GALNT16: variants seen among roughly 807,000 people sequenced by gnomAD.
The protein encoded by GALNT16 is UDP-GalNAc:polypeptide N-acetylgalactosaminyltransferase-like protein 1.
In GALNT16, 40 loss-of-function variants were observed where a neutral mutation model predicts 76.1. The ratio of observed to expected loss-of-function variants is 0.53; its 90% CI spans 0.41 to 0.68. GALNT16 has a LOEUF of 0.68. Among genes scored for constraint, GALNT16 ranks in the 30% least tolerant of loss-of-function variants. GALNT16 has a pLI of 0.00. For synonymous variants in GALNT16, 276 were observed against 285.2 expected (o/e 0.97, Z 0.32); for missense variants, 621 against 731.9 (o/e 0.85, Z 1.75).
rs1594804165 is a variant in GALNT16, at chr14:69,261,777, C to T, written c.177+1310C>T. ...GTCCCCTGCAAAGGAAACATTATTT[C>T]AGGGCTTTGCCTGAGGAGACCTGGG... On this transcript the variant is annotated intron_variant, in intron 1 of 14. Coordinates refer to ENST00000448469, the MANE Select transcript of GALNT16 (RefSeq NM_001168368.2). This position sits in a 1 kb window ranked among gnomAD's most constrained non-coding sequence, Gnocchi z 6.4. 6.6e-6 allele frequency among the ~76,000 whole-genome samples: 1 copy of T among 152,040 alleles called. No homozygotes were observed. Among genetic ancestry groups the T allele is most frequent in the Non-Finnish European group, 1.5e-5 (1 of 67,920 alleles).
intron 2 of GALNT16, among the ~76,000 whole-genome samples, chr14:69,321,935 A>C (rs2045193688): frequency 6.6e-6 from 1 of 152,228 alleles, no homozygotes; most frequent in South Asian, 2.1e-4. Context: ...AATGACTTGG[A>C]TCAAGGTTGC....
chr14:69,333,738 C>A lies in GALNT16; in HGVS notation c.967+138C>A. 1.7e-6 allele frequency: 1 copy of A among 590,562 alleles called. No homozygotes were observed. The highest frequency in any genetic ancestry group is 2.1e-5 in the South Asian group (1 of 48,236). 36.6% of individuals were successfully genotyped at this position (590,562 alleles called of 1,614,324 possible). A position where few individuals can be genotyped will look rare whatever the true frequency, so the allele number is the denominator to read the frequency against. Reference sequence around the variant, plus strand: ...AGGTCATTTAATTCTCTCAAGGACCCTCTGAGGTAAGTACCATGATCTCCA... The same window carrying A: ...AGGTCATTTAATTCTCTCAAGGACCATCTGAGGTAAGTACCATGATCTCCA... On this transcript the variant is annotated intron_variant, in intron 9 of 14. Coordinates refer to ENST00000448469, the MANE Select transcript of GALNT16 (RefSeq NM_001168368.2). This position sits in a 1 kb window ranked among gnomAD's most constrained non-coding sequence, Gnocchi z 4.2.
At chr14:69,324,146 G>C (rs1003669384) in intron 2 of GALNT16, among the ~76,000 whole-genome samples, 1 of 152,016 alleles carries the variant, frequency 6.6e-6, no homozygotes, top group African/African-American at 2.4e-5. Context: ...GGAGGAGTGA[G>C]ACTGCTCCCC....
intron 1 of GALNT16, among the ~76,000 whole-genome samples, chr14:69,262,956 T>G (rs1475596553): frequency 1.3e-5 from 2 of 151,790 alleles, no homozygotes; most frequent in Non-Finnish European, 2.9e-5. Context: ...CTCGGCTCAC[T>G]GTAACCTCCA....
At chr14:69,296,783 A>G (rs1594830168) in intron 1 of GALNT16, among the ~76,000 whole-genome samples, 2 of 128,146 alleles carry the variant, frequency 1.6e-5, no homozygotes, top group South Asian at 5.1e-4. Context: ...GATAGATGAT[A>G]GAGATAGACA....
At chr14:69,296,728 TGATAGATA>T (rs141440096) in intron 1 of GALNT16, among the ~76,000 whole-genome samples, 23,937 of 141,798 alleles carry the variant, frequency 0.17, 2,246 homozygotes, top group African/African-American at 0.27. Context: ...GACAGATAGA[TGATAGATA>T]GATAGATAGA....
chr14:69,273,840 G>C (rs1335906937), intron 1 of GALNT16, among the ~76,000 whole-genome samples: 1 of 152,226 alleles, frequency 6.6e-6, no homozygotes, highest in African/African-American at 2.4e-5. Flanking sequence ...AACCCAAGAA[G>C]AGTAGGAATC....
rs183020636 is a variant in GALNT16 at position 69,353,087 on chromosome 14, G to T, written c.*919G>T. Among the ~76,000 whole-genome samples the T allele has an allele frequency of 1.3e-5, 2 of 152,296 alleles. No homozygotes were observed. Among genetic ancestry groups the T allele is most frequent in the African/African-American group, 4.8e-5 (2 of 41,558 alleles). ...TGCCGCCAGGACCCACTGAAAGGAC[G>T]GGTAGCCACACACATCCCTGAGTAG... On this transcript the variant is annotated 3_prime_UTR_variant, in exon 15 of 15. Transcript: ENST00000448469.
intron 12 of GALNT16, among the ~76,000 whole-genome samples, chr14:69,344,921 A>T (rs1032455387): frequency 2.0e-5 from 3 of 152,328 alleles, no homozygotes; most frequent in Admixed American, 1.3e-4. Context: ...ATGCTTGCAC[A>T]TGGCAGGGGT....
chr14:69,333,034 C>A lies in GALNT16; in HGVS notation c.779-51C>A. ...GGGGTGGTGGAGTGAAGGGTCTCAGCAGCCCGCAGCTCTGCCCTGAGCTCT... is the reference window on the plus strand; with the variant it reads ...GGGGTGGTGGAGTGAAGGGTCTCAGAAGCCCGCAGCTCTGCCCTGAGCTCT... On this transcript the variant is annotated intron_variant, in intron 7 of 14. Coordinates refer to ENST00000448469, the MANE Select transcript of GALNT16 (RefSeq NM_001168368.2). The surrounding 1 kb of genome is among the most constrained non-coding windows in gnomAD (Gnocchi z 4.2). 7.6e-7 allele frequency: 1 copy of A among 1,316,344 alleles called. No individual in the cohort carries two copies. Among genetic ancestry groups the A allele is most frequent in the Non-Finnish European group, 1.1e-6 (1 of 908,142 alleles). The allele number at this position is 1,316,344 out of a possible 1,614,324, so 81.5% of individuals were successfully genotyped here.
chr14:69,344,097 G>T (rs577431345), intron 12 of GALNT16, among the ~76,000 whole-genome samples: 1 of 152,144 alleles, frequency 6.6e-6, no homozygotes, highest in Admixed American at 6.5e-5. Flanking sequence ...CCAAACAGGG[G>T]GTCCCTAAAT....
chr14:69,364,452 C>T, the GALNT16 span, among the ~76,000 whole-genome samples: 1 of 152,128 alleles, frequency 6.6e-6, no homozygotes, highest in Admixed American at 6.5e-5. The surrounding 1 kb of genome is among the most constrained non-coding windows in gnomAD (Gnocchi z 4.2). Flanking sequence ...AAACTGCCTT[C>T]CATACTAATG....
At position 69,291,514 on chromosome 14, in the gene GALNT16, C is replaced by G. The variant is rs553779475; in HGVS notation, c.178-29197C>G. Among the ~76,000 whole-genome samples, 2 of 152,302 alleles carry G rather than the reference C, an allele frequency of 1.3e-5. 1 individual carries two copies. Among genetic ancestry groups the G allele is most frequent in the South Asian group, 4.1e-4 (2 of 4,824 alleles). ...GGTCAGGGTCCCCACCCACCCTGCTCTTGGTCAGAACAATGGGAAAGGCAC... is the reference window on the plus strand; with the variant it reads ...GGTCAGGGTCCCCACCCACCCTGCTGTTGGTCAGAACAATGGGAAAGGCAC... On this transcript the variant is annotated intron_variant, in intron 1 of 14. Coordinates refer to ENST00000448469, the MANE Select transcript of GALNT16 (RefSeq NM_001168368.2).
At chr14:69,381,205 G>A in the GALNT16 span, among the ~76,000 whole-genome samples, 1 of 152,128 alleles carries the variant, frequency 6.6e-6, no homozygotes, top group Non-Finnish European at 1.5e-5. Context: ...TGCTTCAACC[G>A]GTGGAGGATG....
intron 6 of GALNT16, among the ~76,000 whole-genome samples, chr14:69,330,892 G>A (rs1047131529): frequency 1.3e-5 from 2 of 152,160 alleles, no homozygotes; most frequent in African/African-American, 4.8e-5. Context: ...GGTGATGCGG[G>A]GAGTGGCGAG....
intron 1 of GALNT16, among the ~76,000 whole-genome samples, chr14:69,277,384 C>T (rs1338373300): frequency 6.6e-6 from 1 of 152,162 alleles, no homozygotes; most frequent in Non-Finnish European, 1.5e-5. Flanking sequence ...CCCCGCCACC[C>T]CATGACAGGC....
the GALNT16 span, among the ~76,000 whole-genome samples, chr14:69,375,406 G>C: frequency 6.6e-6 from 1 of 152,080 alleles, no homozygotes; most frequent in African/African-American, 2.4e-5. Context: ...AATTATTAAT[G>C]ACTGGGTCTA....
At chr14:69,285,914 C>A (rs775529051) in intron 1 of GALNT16, among the ~76,000 whole-genome samples, 7 of 152,202 alleles carry the variant, frequency 4.6e-5, no homozygotes, top group Non-Finnish European at 8.8e-5. Context: ...AGATCTGCCT[C>A]ATGGCCCCTC....
chr14:69,300,250 A>G (rs2044832155), intron 1 of GALNT16, among the ~76,000 whole-genome samples: 1 of 152,230 alleles, frequency 6.6e-6, no homozygotes, highest in Non-Finnish European at 1.5e-5. Context: ...TCTGATACAC[A>G]CAGACACATC....
Sources: allele counts gnomAD v4.1 joint callset (sites outside exome capture counted in the v4.1 genomes callset), GRCh38; gene constraint gnomAD v4.1.1; non-coding constraint Gnocchi (gnomAD v3.1); transcripts MANE v1.5; gene names NCBI Gene and HGNC (gene_info 2026-07-23, HGNC 2026-07-21).